PREPL: variants seen among roughly 807,000 people sequenced by gnomAD.
The protein encoded by PREPL is prolyl endopeptidase like.
Under a neutral mutation model 70.6 loss-of-function variants are expected in PREPL, and 77 were observed. The observed-to-expected ratio is 1.09, with a 90% CI of 0.91 to 1.32. The LOEUF is 1.32. PREPL is among the 40% of genes most tolerant of loss of function. The probability of loss-of-function intolerance (pLI) is 0.00; values close to 1 mark genes in which losing one functional copy is unlikely to be tolerated. For missense variants in PREPL, 1,002 were observed against 778.2 expected (o/e 1.29, Z -3.42); for synonymous variants, 315 against 264.8 (o/e 1.19, Z -1.84).
chr2:44,336,231 C>A (rs1443045802), intron 7 of PREPL, among the ~76,000 whole-genome samples: 1 of 152,120 alleles, frequency 6.6e-6, no homozygotes, highest in African/African-American at 2.4e-5. Flanking sequence ...AATCGCTCTA[C>A]CATAAAGACA....
At chr2:44,356,635 C>T (rs919642752) in intron 1 of PREPL, among the ~76,000 whole-genome samples, 6 of 152,068 alleles carry the variant, frequency 3.9e-5, no homozygotes, top group South Asian at 2.1e-4. Context: ...TCCAGGAATC[C>T]GCATTTCTAA....
At position 44,321,391 on chromosome 2, in the gene PREPL, C is replaced by A. The variant is rs1433913896; in HGVS notation, c.1882G>T (p.Val628Phe). The A allele has an allele frequency of 1.2e-6, 2 of 1,612,590 alleles. No homozygotes were observed. Among genetic ancestry groups the A allele is most frequent in the Admixed American group, 3.3e-5 (2 of 59,970 alleles). ...AGGTATTTCTTAAGATCCTCGAAAA[C>A]ACTGGTGCTGTCAAGTCCAAGTTCC... is the stretch of plus-strand genomic sequence containing the variant. ...YEELGLDSTSVFEDLKKYLKF is the reference protein window; with the variant it reads ...YEELGLDSTSFFEDLKKYLKF Residue 628 changes from valine (V) to phenylalanine (F), a missense_variant, in exon 14 of 14, where the codon GTT becomes TTT. Coordinates refer to ENST00000409411, the MANE Select transcript of PREPL (RefSeq NM_001171613.2).
intron 1 of PREPL, among the ~76,000 whole-genome samples, chr2:44,359,067 CTTTT>C (rs35700374): frequency 5.3e-5 from 5 of 94,488 alleles, no homozygotes; most frequent in Non-Finnish European, 8.6e-5. Flanking sequence ...TATGTATACA[CTTTT>C]TTTTTTTTTT....
chr2:44,322,754 T>C lies in PREPL; in HGVS notation c.1730A>G (p.Glu577Gly). 1 of 1,613,838 alleles carries C rather than the reference T, an allele frequency of 6.2e-7. No homozygotes were observed. Among genetic ancestry groups the C allele is most frequent in the South Asian group, 1.1e-5 (1 of 91,076 alleles). Residue 577 changes from glutamate to glycine, a missense_variant, in exon 12 of 14, where the codon GAG (glutamate) becomes GGG (glycine). Physicochemically the swap from Glu to Gly is moderately conservative, Grantham distance 98 (BLOSUM62 -2). Transcript: ENST00000409411. ...ACCTTCACCTGTGTCCTTAGCATGCTCCGCGATGGCTTCCTTGAGTTTCTC... is the reference window on the plus strand; with the variant it reads ...ACCTTCACCTGTGTCCTTAGCATGCCCCGCGATGGCTTCCTTGAGTTTCTC... ...YTEKLKEAIA[E>G]HAKDTGEGYQ...
chr2:44,345,313 T>A (rs889063420), intron 2 of PREPL, among the ~76,000 whole-genome samples: 2 of 152,184 alleles, frequency 1.3e-5, no homozygotes, highest in Non-Finnish European at 2.9e-5. Context: ...TTTCACCTAT[T>A]GCGGTTCAAT....
At chr2:44,354,387 C>G (rs776760134) in intron 1 of PREPL, among the ~76,000 whole-genome samples, 7 of 152,054 alleles carry the variant, frequency 4.6e-5, no homozygotes, top group Non-Finnish European at 1.0e-4. Flanking sequence ...AAGGACCTCC[C>G]AATATAATGG....
chr2:44,321,516 TTATC>T lies in PREPL; in HGVS notation c.1828-75_1828-72del, dbSNP rs558261354. 1,046 of 1,564,532 alleles carry T rather than the reference TTATC, an allele frequency of 6.7e-4. 9 individuals are homozygous for T. In the African/African-American group the frequency reaches 0.013, roughly 19 times the overall value. On this transcript the variant is annotated intron_variant, in intron 13 of 13. Transcript: ENST00000409411. ...AAAATGCCACTGTTTAAGCTTCTCT[TTATC>T]TATCCATCTTTACCTAACCGTGAAG...
chr2:44,344,643 C>T (rs1467189977), intron 2 of PREPL, 57 bp from the exon 3 acceptor site: 14 of 1,308,730 alleles, frequency 1.1e-5, no homozygotes, highest in Non-Finnish European at 1.4e-5. Context: ...TTTTCATAGT[C>T]TGACTATTCA....
At chr2:44,331,891 A>C (rs1163081094) in intron 8 of PREPL, among the ~76,000 whole-genome samples, 1 of 152,172 alleles carries the variant, frequency 6.6e-6, no homozygotes, top group Non-Finnish European at 1.5e-5. Flanking sequence ...ATCAACTTTA[A>C]AAAATCAGAC....
In PREPL at chr2:44,339,950, C is replaced by T. The variant is rs376080689; in HGVS notation, c.486-587G>A. On this transcript the variant is annotated intron_variant, in intron 5 of 13. Transcript: ENST00000409411. ...CCCTCACAATCTTACTAACGTAACA[C>T]ATTTAAAACATTAACATAGCTATTT... is the stretch of plus-strand genomic sequence containing the variant. Among the ~76,000 whole-genome samples, 10 of 152,056 alleles carry T rather than the reference C, an allele frequency of 6.6e-5. No homozygotes were observed. The East Asian group carries it at 1.5e-3, about 23-fold the overall frequency.
At chr2:44,321,976 CT>C in intron 12 of PREPL, 76 bp from the exon 13 acceptor site, 1 of 1,421,702 alleles carries the variant, frequency 7.0e-7, no homozygotes, top group Non-Finnish European at 9.5e-7. Context: ...CATTCCTCCC[CT>C]CTTCTTTGAG....
rs1455206999 is a variant in PREPL, at chr2:44,318,184, G to A, written c.*3172C>T. 26 of 419,740 alleles carry A rather than the reference G, an allele frequency of 6.2e-5. No homozygotes were observed. The highest frequency in any genetic ancestry group is 3.6e-4 in the Middle Eastern group (1 of 2,744). 26.0% of individuals were successfully genotyped at this position (419,740 alleles called of 1,614,324 possible). On this transcript the variant is annotated 3_prime_UTR_variant, in exon 14 of 14. Transcript: ENST00000409411. ...CGGCACACTGCAGCCTCTGCTTCCT[G>A]GGTTCAAGTGATTCTCCTGCTGCAG...
At chr2:44,339,003 TA>T in intron 6 of PREPL, 143 bp downstream of exon 6, 1 of 1,336,960 alleles carries the variant, frequency 7.5e-7, no homozygotes, top group Non-Finnish European at 1.0e-6. Context: ...GCATTAGCTC[TA>T]AGGGAAAAGA....
intron 1 of PREPL, among the ~76,000 whole-genome samples, chr2:44,359,236 T>G (rs1272636931): frequency 6.6e-6 from 1 of 152,002 alleles, no homozygotes. Flanking sequence ...CCTAGCTAAC[T>G]TTTGTATTTT....
Position 44,339,258 on chromosome 2 carries a change from C to T in PREPL, c.591G>A (p.Trp197Ter). 6.2e-7 allele frequency: 1 copy of T among 1,614,002 alleles called. No individual in the cohort carries two copies. The highest frequency in any genetic ancestry group is 2.2e-5 in the East Asian group (1 of 44,870). The change falls in exon 6 of 14, where the codon TGG becomes TGA. Residue 197 changes from tryptophan (W) to a stop codon, truncating the protein, a stop_gained. Transcript: ENST00000409411. LOFTEE classifies it high-confidence loss of function. ...EVWLIDGLSP[W>*]DPPVLIQKRI... ...GCTTCTGGATAAGTACTGGTGGGTCCCAAGGGCTCAGGCCATCTATCAACC... is the reference window on the plus strand; with the variant it reads ...GCTTCTGGATAAGTACTGGTGGGTCTCAAGGGCTCAGGCCATCTATCAACC...
In PREPL at chr2:44,359,702, G is replaced by C. The variant is rs1217582584; in HGVS notation, c.-49+1678C>G. ...CTTCAAAGCTTGGAGAAATAATTTG[G>C]TCTTCTGCTGCATGATATCAAAGTC... is the stretch of plus-strand genomic sequence containing the variant. On this transcript the variant is annotated intron_variant, in intron 1 of 13. Transcript: ENST00000409411. 7.4e-5 allele frequency: 119 copies of C among 1,609,616 alleles called. No homozygotes were observed. Among genetic ancestry groups the C allele is most frequent in the Non-Finnish European group, 9.7e-5 (114 of 1,176,254 alleles).
At position 44,328,948 on chromosome 2, in the gene PREPL, G is replaced by T; in HGVS notation, c.1251C>A (p.Tyr417Ter). The T allele has an allele frequency of 6.2e-7, 1 of 1,612,262 alleles. No individual in the cohort carries two copies. Among genetic ancestry groups the T allele is most frequent in the Non-Finnish European group, 8.5e-7 (1 of 1,179,380 alleles). Residue 417 changes from tyrosine to a stop codon, truncating the protein, a stop_gained, in exon 9 of 14, where the codon TAC becomes TAA. Transcript: ENST00000409411. LOFTEE classifies it high-confidence loss of function. Reference protein sequence around the residue: ...VLVDDGWILAYCHVRGGGELG... With the variant: ...VLVDDGWILA ...ATATACTGACTCACCGAACATGGCA[G>T]TATGCTAATATCCATCCATCATCCA...
chr2:44,358,661 C>A (rs1677315088), intron 1 of PREPL, among the ~76,000 whole-genome samples: 3 of 152,038 alleles, frequency 2.0e-5, no homozygotes. Context: ...TGGAGCTGTG[C>A]CAGGCAAAAG....
At chr2:44,358,716 G>A (rs979625375) in intron 1 of PREPL, among the ~76,000 whole-genome samples, 1 of 152,196 alleles carries the variant, frequency 6.6e-6, no homozygotes, top group African/African-American at 2.4e-5. Flanking sequence ...AGGTCCTTAA[G>A]GTTGAGTTCA....
Sources: allele counts gnomAD v4.1 joint callset (sites outside exome capture counted in the v4.1 genomes callset), GRCh38; gene constraint gnomAD v4.1.1; transcripts MANE v1.5; gene names NCBI Gene and HGNC (gene_info 2026-07-23, HGNC 2026-07-21).